Variants in DNTT observed in about 807,000 individuals in gnomAD.
DNTT encodes DNA nucleotidylexotransferase, also known as nucleosidetriphosphate:DNA deoxynucleotidylexotransferase.
Under a neutral mutation model 60.9 loss-of-function variants are expected in DNTT, and 47 were observed. That is an observed-to-expected ratio of 0.77 (90% CI 0.61 to 0.98). The LOEUF (loss-of-function observed/expected upper bound fraction) is 0.98, where lower values mean the gene tolerates loss of function less well. Ranked by LOEUF, DNTT falls within the 50% of genes least tolerant of loss-of-function variation. The pLI is 0.00. For missense variants in DNTT, 665 were observed against 627.5 expected (o/e 1.06, Z -0.64); for synonymous variants, 224 against 221.2 (o/e 1.01, Z -0.11).
In DNTT at chr10:96,318,396, A is replaced by G; in HGVS notation, c.248A>G (p.Asp83Gly). The change falls in exon 2 of 11, where the codon GAT becomes GGT. Residue 83 changes from aspartate to glycine, a missense_variant. By Grantham distance (94) the Asp-to-Gly change is moderately conservative. Transcript: ENST00000371174. ...GTAGCAGAGAACAACTCGGGTTCGGATGTTCTGGAGTGGCTTCAAGCACAG... is the reference window on the plus strand; with the variant it reads ...GTAGCAGAGAACAACTCGGGTTCGGGTGTTCTGGAGTGGCTTCAAGCACAG... ...HIVAENNSGS[D>G]VLEWLQAQKV... is the part of the protein sequence containing the mutation. 6.2e-7 allele frequency: 1 copy of G among 1,613,556 alleles called. No homozygotes were observed. The highest frequency in any genetic ancestry group is 1.1e-5 in the South Asian group (1 of 90,952).
At position 96,320,349 on chromosome 10, in the gene DNTT, A is replaced by T. The variant is rs570294563; in HGVS notation, c.508-269A>T. 1.4e-3 allele frequency among the ~76,000 whole-genome samples: 212 copies of T among 152,336 alleles called. 1 individual carries two copies. The highest frequency in any genetic ancestry group is 1.8e-3 in the Non-Finnish European group (123 of 68,026). Reference sequence around the variant, plus strand: ...GACTAGCAAGATGCTGTGAGCACCAAAGCATTTTTTAGTTAAATCATCTGT... The same window carrying T: ...GACTAGCAAGATGCTGTGAGCACCATAGCATTTTTTAGTTAAATCATCTGT... On this transcript the variant is annotated intron_variant, in intron 3 of 10. Transcript: ENST00000371174.
At chr10:96,306,111 T>TTTTTTTTTTG (rs1230609149) in intron 1 of DNTT, among the ~76,000 whole-genome samples, 1 of 136,038 alleles carries the variant, frequency 7.4e-6, no homozygotes, top group African/African-American at 2.8e-5. Flanking sequence ...TTTTTTTTTT[T>TTTTTTTTTTG]GAGACAGAGT....
chr10:96,324,984 TAA>T (rs1272167717), intron 6 of DNTT, among the ~76,000 whole-genome samples: 1 of 152,168 alleles, frequency 6.6e-6, no homozygotes, highest in Non-Finnish European at 1.5e-5. Context: ...CTCTTTCGCC[TAA>T]GACAAGACCG....
intron 9 of DNTT, among the ~76,000 whole-genome samples, chr10:96,334,703 AGG>A (rs1412403858): frequency 6.6e-6 from 1 of 152,222 alleles, no homozygotes; most frequent in East Asian, 1.9e-4. Context: ...TCCTAAAAAA[AGG>A]GGAAGAAAAG....
chr10:96,335,778 A>G, intron 9 of DNTT, 113 bp from the exon 10 acceptor site: 1 of 1,267,698 alleles, frequency 7.9e-7, no homozygotes, highest in Non-Finnish European at 1.1e-6. Flanking sequence ...GGGGAGGAAA[A>G]TCACTTTGAG....
chr10:96,334,430 C>T (rs903474753), intron 9 of DNTT, among the ~76,000 whole-genome samples: 8 of 152,228 alleles, frequency 5.3e-5, no homozygotes, highest in Non-Finnish European at 1.0e-4. Context: ...GAGTCCCATT[C>T]GCATGTGTTC....
chr10:96,337,295 A>G (rs1845084068), intron 10 of DNTT, among the ~76,000 whole-genome samples: 1 of 152,072 alleles, frequency 6.6e-6, no homozygotes, highest in Non-Finnish European at 1.5e-5. Flanking sequence ...CCCTGAACCC[A>G]TTACTGTGGC....
At chr10:96,324,182 T>C in intron 5 of DNTT, 84 bp from the exon 6 acceptor site, 1 of 1,463,236 alleles carries the variant, frequency 6.8e-7, no homozygotes. Flanking sequence ...TTTTCTTCAT[T>C]GCCTGAGACC....
At chr10:96,315,920 T>C (rs1269445765) in intron 1 of DNTT, among the ~76,000 whole-genome samples, 2 of 152,162 alleles carry the variant, frequency 1.3e-5, no homozygotes, top group Non-Finnish European at 2.9e-5. Flanking sequence ...GAAGTGGTTA[T>C]CCATCTTCCT....
At chr10:96,314,671 C>T (rs1022011909) in intron 1 of DNTT, among the ~76,000 whole-genome samples, 2 of 152,074 alleles carry the variant, frequency 1.3e-5, no homozygotes, top group South Asian at 2.1e-4. Flanking sequence ...CTCAGCCTCC[C>T]AAAGTGCTGG....
In DNTT at chr10:96,321,850, C is replaced by G. The variant is rs536272257; in HGVS notation, c.679-807C>G. Among the ~76,000 whole-genome samples, 31 of 152,214 alleles carry G rather than the reference C, an allele frequency of 2.0e-4. No individual in the cohort carries two copies. The South Asian group carries it at 4.2e-3, about 20-fold the overall frequency. On this transcript the variant is annotated intron_variant, in intron 4 of 10. Transcript: ENST00000371174. ...ACTCTAACATATAAATAGATACAGA[C>G]GTGTTATTTATAATCCATACCCTAA... is the stretch of plus-strand genomic sequence containing the variant.
Position 96,319,307 on chromosome 10 carries a change from ACT to A in DNTT, c.426_427del (p.Pro143ThrfsTer22). 1 of 1,613,892 alleles carries A rather than the reference ACT, an allele frequency of 6.2e-7. No individual in the cohort carries two copies. Among genetic ancestry groups the A allele is most frequent in the South Asian group, 1.1e-5 (1 of 91,058 alleles). ...TAGCACCAACCCAGGCCCCCCGAAG[ACT>A]CCACCAATTGCTGTACAAAAGATCT... ...SDSTNPGPPK[T>X]PPIAVQKISQ... On this transcript the variant is annotated frameshift_variant, in exon 3 of 11. Coordinates refer to ENST00000371174, the MANE Select transcript of DNTT (RefSeq NM_004088.4). LOFTEE classifies it high-confidence loss of function.
Position 96,320,680 on chromosome 10 carries a change from A to G in DNTT, c.570A>G (p.Thr190=), listed in dbSNP as rs567823573. Residue 190 remains threonine (T), a synonymous_variant, in exon 4 of 11, where the codon ACA becomes ACG. Coordinates refer to ENST00000371174, the MANE Select transcript of DNTT (RefSeq NM_004088.4). ...EFRENEDSCV[T]FMRAASVLKS... is the part of the protein sequence containing the mutation. ...GAGAAAATGAAGACTCCTGTGTGAC[A>G]TTTATGAGAGCAGCTTCTGTATTGA... The G allele has an allele frequency of 6.2e-7, 1 of 1,613,882 alleles. No individual in the cohort carries two copies. Among genetic ancestry groups the G allele is most frequent in the Admixed American group, 1.7e-5 (1 of 60,016 alleles).
chr10:96,323,278 G>A (rs1844902079), intron 5 of DNTT, among the ~76,000 whole-genome samples: 2 of 152,098 alleles, frequency 1.3e-5, no homozygotes, highest in Non-Finnish European at 1.5e-5. Flanking sequence ...CAGCCTGGGT[G>A]ATAGAGTGAG....
chr10:96,327,406 T>C (rs1844948176), intron 6 of DNTT, 62 bp from the exon 7 acceptor site: 5 of 1,612,848 alleles, frequency 3.1e-6, no homozygotes, highest in Non-Finnish European at 4.2e-6. Context: ...CCCCTTCTAC[T>C]GAGGGCTGGT....
intron 1 of DNTT, chr10:96,306,509 T>C (rs1385283357): frequency 6.6e-6 from 1 of 152,262 alleles, no homozygotes; most frequent in Non-Finnish European, 1.5e-5. Flanking sequence ...CACCACTTAC[T>C]GGAAAGCTCT....
At chr10:96,333,684 G>T (rs1005254841) in intron 9 of DNTT, among the ~76,000 whole-genome samples, 4 of 152,190 alleles carry the variant, frequency 2.6e-5, no homozygotes, top group Non-Finnish European at 5.9e-5. Flanking sequence ...TGAACCTAGA[G>T]GACATTATGT....
intron 1 of DNTT, among the ~76,000 whole-genome samples, chr10:96,306,005 A>G (rs185649499): frequency 1.0e-3 from 159 of 152,278 alleles, no homozygotes; most frequent in Non-Finnish European, 1.7e-3. Flanking sequence ...TCTAACTGTT[A>G]AGCCTGCCTG....
chr10:96,327,874 T>C (rs1844957511), intron 7 of DNTT, among the ~76,000 whole-genome samples: 1 of 152,214 alleles, frequency 6.6e-6, no homozygotes, highest in South Asian at 2.1e-4. Flanking sequence ...CTTCCCCTCA[T>C]TCTTTAACAC....
Sources: allele counts gnomAD v4.1 joint callset (sites outside exome capture counted in the v4.1 genomes callset), GRCh38; gene constraint gnomAD v4.1.1; transcripts MANE v1.5; gene names NCBI Gene and HGNC (gene_info 2026-07-23, HGNC 2026-07-21).